Variants in TRHDE observed in about 807,000 individuals in gnomAD.
TRHDE encodes thyrotropin-releasing hormone-degrading ectoenzyme.
TRHDE carries 72 observed loss-of-function variants against 125.7 expected under a neutral mutation model. The ratio of observed to expected loss-of-function variants is 0.57; its 90% confidence interval spans 0.47 to 0.70. TRHDE has a LOEUF of 0.70. Ranked by LOEUF, TRHDE falls within the 30% of genes least tolerant of loss-of-function variation. The pLI is 0.00. For missense variants in TRHDE, 1,110 were observed against 1,327.1 expected (o/e 0.84, Z 2.54); for synonymous variants, 509 against 509.1 (o/e 1.00, Z 0.00).
intron 1 of TRHDE, among the ~76,000 whole-genome samples, chr12:72,090,582 G>A (rs945051495): frequency 6.6e-6 from 1 of 152,208 alleles, no homozygotes; most frequent in East Asian, 1.9e-4. Context: ...TCATGTTCTT[G>A]TACTGCCCAT....
At chr12:72,326,698 C>G (rs17111052) in intron 2 of TRHDE, among the ~76,000 whole-genome samples, 93,361 of 152,042 alleles carry the variant, frequency 0.61, 29,530 homozygotes, top group Non-Finnish European at 0.7. Flanking sequence ...TCACAAGTAA[C>G]TCTTCCCCAA....
chr12:72,173,592 T>C (rs1876923767), intron 2 of TRHDE, among the ~76,000 whole-genome samples: 1 of 152,138 alleles, frequency 6.6e-6, no homozygotes, highest in Non-Finnish European at 1.5e-5. Context: ...AGTGACCCCA[T>C]AATGCTGGGT....
At chr12:72,240,578 T>G (rs918838433) in intron 2 of TRHDE, among the ~76,000 whole-genome samples, 34 of 151,822 alleles carry the variant, frequency 2.2e-4, no homozygotes, top group African/African-American at 7.3e-4. Flanking sequence ...AATTTTTTTT[T>G]TTGTTTTTTG....
chr12:72,305,195 A>G (rs899167074), intron 2 of TRHDE, among the ~76,000 whole-genome samples: 5 of 152,214 alleles, frequency 3.3e-5, no homozygotes, highest in African/African-American at 1.2e-4. Context: ...TAAAATCCCA[A>G]CAGTAACAGC....
At chr12:72,652,299 A>G in intron 15 of TRHDE, 23 bp from the exon 16 acceptor site, 2 of 1,390,228 alleles carry the variant, frequency 1.4e-6, no homozygotes, top group Non-Finnish European at 1.9e-6. Context: ...TTAACAGAAA[A>G]CCACCATGGG....
At chr12:72,354,499 G>T (rs1870724486) in intron 2 of TRHDE, among the ~76,000 whole-genome samples, 1 of 151,182 alleles carries the variant, frequency 6.6e-6, no homozygotes, top group African/African-American at 2.4e-5. Flanking sequence ...TCAGTGCCTA[G>T]GGCATAGCAG....
intron 18 of TRHDE, among the ~76,000 whole-genome samples, chr12:72,661,836 C>T (rs543186405): frequency 1.3e-5 from 2 of 152,232 alleles, no homozygotes; most frequent in African/African-American, 4.8e-5. Flanking sequence ...GGCTATTTTA[C>T]ATGTTTGTTA....
chr12:72,378,315 T>C (rs977948146), intron 3 of TRHDE, among the ~76,000 whole-genome samples, 194 bp downstream of exon 3: 2 of 152,190 alleles, frequency 1.3e-5, no homozygotes, highest in Non-Finnish European at 2.9e-5. Flanking sequence ...CAATAAGTGC[T>C]CATAGGAATT....
chr12:72,265,276 G>T (rs1879039859), intron 2 of TRHDE, among the ~76,000 whole-genome samples: 2 of 151,924 alleles, frequency 1.3e-5, no homozygotes, highest in Admixed American at 1.3e-4. Flanking sequence ...TGAACTTCAA[G>T]AATAATTCTT....
chr12:72,554,524 A>G (rs997707303), intron 7 of TRHDE, among the ~76,000 whole-genome samples: 1 of 152,210 alleles, frequency 6.6e-6, no homozygotes, highest in African/African-American at 2.4e-5. Flanking sequence ...AGTTGTCACC[A>G]GCACCGGGGC....
chr12:72,352,556 A>T (rs148617534), intron 2 of TRHDE, among the ~76,000 whole-genome samples: 145 of 151,958 alleles, frequency 9.5e-4, no homozygotes, highest in African/African-American at 3.3e-3. Flanking sequence ...TCTGTTTAAA[A>T]TATAATCTAG....
intron 7 of TRHDE, among the ~76,000 whole-genome samples, chr12:72,560,265 C>T (rs1188960528): frequency 6.6e-6 from 1 of 152,154 alleles, no homozygotes; most frequent in East Asian, 1.9e-4. Flanking sequence ...GGATAATTTT[C>T]ATTTCAGCCT....
chr12:72,314,204 T>C (rs1037358278), intron 2 of TRHDE, among the ~76,000 whole-genome samples: 1 of 152,178 alleles, frequency 6.6e-6, no homozygotes, highest in African/African-American at 2.4e-5. Context: ...GAATTGAGTG[T>C]ACCAGAACAG....
chr12:72,148,021 C>G (rs1479951825), intron 2 of TRHDE, among the ~76,000 whole-genome samples: 2 of 152,238 alleles, frequency 1.3e-5, no homozygotes, highest in Admixed American at 1.3e-4. Flanking sequence ...AGTTTTCACA[C>G]TGTACATCAA....
At chr12:72,451,560 A>T (rs1228737975) in intron 3 of TRHDE, among the ~76,000 whole-genome samples, 2 of 150,842 alleles carry the variant, frequency 1.3e-5, no homozygotes, top group Non-Finnish European at 2.9e-5. Flanking sequence ...AGGCAGTGTG[A>T]TGCCTCTGGC....
At chr12:72,420,483 T>C (rs1257160762) in intron 3 of TRHDE, among the ~76,000 whole-genome samples, 1 of 152,090 alleles carries the variant, frequency 6.6e-6, no homozygotes, top group Non-Finnish European at 1.5e-5. Context: ...ATTCAATGGG[T>C]GTGGATCGTA....
chr12:72,241,015 G>T (rs1398509507), intron 2 of TRHDE, among the ~76,000 whole-genome samples: 1 of 151,096 alleles, frequency 6.6e-6, no homozygotes, highest in Non-Finnish European at 1.5e-5. Context: ...ATTATTGTGT[G>T]CCTATAGTGA....
chr12:72,304,144 T>C (rs1453092508), intron 2 of TRHDE, among the ~76,000 whole-genome samples: 1 of 152,188 alleles, frequency 6.6e-6, no homozygotes, highest in African/African-American at 2.4e-5. Context: ...CTAATTACGC[T>C]CCCTTAATTT....
chr12:72,170,539 T>C (rs1343605681), intron 2 of TRHDE, among the ~76,000 whole-genome samples: 1 of 152,150 alleles, frequency 6.6e-6, no homozygotes, highest in Non-Finnish European at 1.5e-5. Flanking sequence ...GCAGTGGTTC[T>C]CAAACTTTAG....
Sources: gnomAD v4.1 joint callset for allele counts (sites outside exome capture counted in the v4.1 genomes callset) on GRCh38, gnomAD v4.1.1 for gene constraint, MANE v1.5 for transcripts, NCBI Gene and HGNC (gene_info 2026-07-23, HGNC 2026-07-21) for gene names.